Variants in PAN2 observed in about 807,000 individuals in gnomAD.
PAN2 encodes the protein PAN2-PAN3 deadenylation complex catalytic subunit PAN2.
A neutral mutation model predicts 133.3 loss-of-function variants in PAN2; 68 were observed. The ratio of observed to expected loss-of-function variants is 0.51; its 90% CI spans 0.42 to 0.62. The LOEUF is 0.62. Among genes scored for constraint, PAN2 ranks in the 20% least tolerant of loss-of-function variants. The pLI is 0.00. For missense variants in PAN2, 1,042 were observed against 1,500.5 expected (o/e 0.69, Z 5.05); for synonymous variants, 462 against 544.6 (o/e 0.85, Z 2.11).
chr12:56,318,133 C>T (rs1363027494), intron 25 of PAN2, 104 bp downstream of exon 25: 10 of 930,622 alleles, frequency 1.1e-5, no homozygotes, highest in Non-Finnish European at 1.7e-5. Flanking sequence ...GCTGTAATCA[C>T]GCTACTGCAC....
Position 56,322,107 on chromosome 12 carries a change from C to T in PAN2, c.2759G>A (p.Arg920Gln), listed in dbSNP as rs369878938. 1.2e-5 allele frequency: 20 copies of T among 1,606,432 alleles called. No homozygotes were observed. The highest frequency in any genetic ancestry group is 1.6e-4 in the Middle Eastern group (1 of 6,064). ...CAGGTTGTATCTGGAATTGAGATTC[C>T]GTTTGACATAATAAAGGATTGCAGG... ...KVPAILYYVK[R>Q]NLNSRYNLNI... is the part of the protein sequence containing the mutation. Residue 920 changes from arginine to glutamine, a missense_variant, in exon 20 of 26, where the codon CGG (arginine) becomes CAG (glutamine). Physicochemically the swap from Arg to Gln is conservative, Grantham distance 43. This residue lies in a region of PAN2 where 908 missense variants were observed against 1,223.5 expected (regional missense o/e 0.74). Coordinates refer to ENST00000440411, the MANE Select transcript of PAN2 (RefSeq NM_014871.6).
chr12:56,317,338 A>C lies in PAN2; in HGVS notation c.*271T>G, dbSNP rs1282863848. The C allele has an allele frequency of 2.0e-6, 1 of 492,730 alleles. No individual in the cohort carries two copies. The highest frequency in any genetic ancestry group is 3.6e-6 in the Non-Finnish European group (1 of 275,008). 30.5% of individuals were successfully genotyped at this position (492,730 alleles called of 1,614,324 possible). A position where few individuals can be genotyped will look rare whatever the true frequency, so the allele number is the denominator to read the frequency against. On this transcript the variant is annotated 3_prime_UTR_variant, in exon 26 of 26. Transcript: ENST00000440411. ...ATATTAGTCACCCAGGATATTAAGA[A>C]TACCAATTACTTTCCATCTGGGTCA...
chr12:56,319,181 C>T lies in PAN2; in HGVS notation c.3271G>A (p.Val1091Met). ...GTGTCAAGGACTTGGTCCTTGGGCA[C>T]CTGGCAAGGATAAAAGAGGGGGAGA... ...QKDFRVINLMVPKDQVLDTVY... is the reference protein window; with the variant it reads ...QKDFRVINLMMPKDQVLDTVY... Residue 1091 changes from valine to methionine, a missense_variant and splice_region_variant, in exon 24 of 26, where the codon GTG (valine) becomes ATG (methionine). Coordinates refer to ENST00000440411, the MANE Select transcript of PAN2 (RefSeq NM_014871.6). This position sits in a 1 kb window ranked among gnomAD's most constrained non-coding sequence, Gnocchi z 5.4. 2 of 1,613,966 alleles carry T rather than the reference C, an allele frequency of 1.2e-6. No homozygotes were observed. The highest frequency in any genetic ancestry group is 1.1e-5 in the South Asian group (1 of 91,078).
chr12:56,327,611 A>T lies in PAN2; in HGVS notation c.672T>A (p.Arg224=). 1 of 1,613,586 alleles carries T rather than the reference A, an allele frequency of 6.2e-7. No homozygotes were observed. The highest frequency in any genetic ancestry group is 8.5e-7 in the Non-Finnish European group (1 of 1,179,610). Residue 224 remains arginine (R), a synonymous_variant, in exon 6 of 26, where the codon CGT becomes CGA. Coordinates refer to ENST00000440411, the MANE Select transcript of PAN2 (RefSeq NM_014871.6). The part of the protein sequence containing the change: ...TSGKVSLRDL[R]TFKVEHEFDA... Reference sequence around the variant, plus strand: ...CAAACTCATGTTCCACCTTAAAAGTACGGAGGTCTCTCAGGGAAACCTAGA... The same window carrying T: ...CAAACTCATGTTCCACCTTAAAAGTTCGGAGGTCTCTCAGGGAAACCTAGA...
intron 2 of PAN2, among the ~76,000 whole-genome samples, chr12:56,330,213 CTATT>C (rs1875616562): frequency 6.6e-6 from 1 of 152,044 alleles, no homozygotes; most frequent in Non-Finnish European, 1.5e-5. Context: ...TCCTGACCAA[CTATT>C]TAAAGTAGCA....
In PAN2 at chr12:56,332,641, T is replaced by C. The variant is rs1876040594; in HGVS notation, c.282+172A>G. On this transcript the variant is annotated intron_variant, in intron 2 of 25. Transcript: ENST00000440411. ...AAAAGGGATGCCTCCTGAGAAAGAA[T>C]ATGTCATTTACTCCTAGATCCTAGA... The C allele has an allele frequency of 1.1e-5, 6 of 531,686 alleles. No homozygotes were observed. The South Asian group carries it at 1.5e-4, about 13-fold the overall frequency. 32.9% of individuals were successfully genotyped at this position (531,686 alleles called of 1,614,324 possible).
intron 25 of PAN2, 73 bp from the exon 26 acceptor site, chr12:56,317,716 G>C: frequency 7.5e-7 from 1 of 1,325,262 alleles, no homozygotes; most frequent in Non-Finnish European, 1.1e-6. Flanking sequence ...TTCCTATGAA[G>C]GAAAAATGCA....
At position 56,323,354 on chromosome 12, in the gene PAN2, C is replaced by T. The variant is rs373635242; in HGVS notation, c.2302G>A (p.Gly768Ser). Reference sequence around the variant, plus strand: ...TCCTTGTTCTTGGAGATTTCCCCACCGTGTTTCTTTACTGCCATCTTGAAG... The same window carrying T: ...TCCTTGTTCTTGGAGATTTCCCCACTGTGTTTCTTTACTGCCATCTTGAAG... ...VAFKMAVKKH[G>S]GEISKNKEFA... is the part of the protein sequence containing the mutation. Residue 768 changes from glycine (G) to serine (S), a missense_variant, in exon 16 of 26, where the codon GGT (glycine) becomes AGT (serine). Physicochemically the swap from Gly to Ser is moderately conservative, Grantham distance 56. Transcript: ENST00000440411. 5.6e-6 allele frequency: 9 copies of T among 1,613,750 alleles called. No homozygotes were observed. The Admixed American group carries it at 8.4e-5, about 15-fold the overall frequency.
At chr12:56,327,715 C>T (rs1174409599) in intron 5 of PAN2, 84 bp from the exon 6 acceptor site, 13 of 1,472,446 alleles carry the variant, frequency 8.8e-6, no homozygotes, top group Non-Finnish European at 1.1e-5. Context: ...GGGTCCCTAC[C>T]AAAGGAACTA....
At position 56,323,053 on chromosome 12, in the gene PAN2, T is replaced by C; in HGVS notation, c.2493+9A>G. The stretch of plus-strand genomic sequence containing the variant: ...TTATTCCCTTTCCTCTTCCCGGTTT[T>C]TCAACAACCTGCATCTCATCCCCAT... On this transcript the variant is annotated intron_variant, in intron 17 of 25. Coordinates refer to ENST00000440411, the MANE Select transcript of PAN2 (RefSeq NM_014871.6). The C allele has an allele frequency of 6.2e-7, 1 of 1,613,920 alleles. No homozygotes were observed. The highest frequency in any genetic ancestry group is 8.5e-7 in the Non-Finnish European group (1 of 1,180,036).
intron 20 of PAN2, 77 bp from the exon 21 acceptor site, chr12:56,320,098 A>G: frequency 1.4e-6 from 2 of 1,390,668 alleles, no homozygotes; most frequent in Non-Finnish European, 1.0e-6. Context: ...GTGGCTGATC[A>G]TCGACTCTGG....
In PAN2 at chr12:56,326,910, G is replaced by A; in HGVS notation, c.969C>T (p.Ile323=). 6.2e-7 allele frequency: 1 copy of A among 1,614,190 alleles called. No homozygotes were observed. Among genetic ancestry groups the A allele is most frequent in the Middle Eastern group, 1.7e-4 (1 of 6,060 alleles). ...EPTGLANPAD[I]FHVNPVGPLL... is the part of the protein sequence containing the mutation. ...GAGGCCCCACAGGATTCACATGAAA[G>A]ATATCGGCTGGGTTGGCCAGGCCTG... Residue 323 remains isoleucine (I), a synonymous_variant, in exon 7 of 26, where the codon ATC becomes ATT. Coordinates refer to ENST00000440411, the MANE Select transcript of PAN2 (RefSeq NM_014871.6).
chr12:56,318,496 C>G, intron 24 of PAN2, 62 bp from the exon 25 acceptor site: 1 of 1,289,338 alleles, frequency 7.8e-7, no homozygotes, highest in Non-Finnish European at 1.1e-6. Context: ...ACATGTCTCC[C>G]CACTCCTACC....
chr12:56,324,593 A>G lies in PAN2; in HGVS notation c.1716T>C (p.Gly572=). 6.2e-7 allele frequency: 1 copy of G among 1,613,924 alleles called. No individual in the cohort carries two copies. The highest frequency in any genetic ancestry group is 8.5e-7 in the Non-Finnish European group (1 of 1,179,904). Residue 572 remains glycine (G), a synonymous_variant, in exon 11 of 26, where the codon GGT becomes GGC. Coordinates refer to ENST00000440411, the MANE Select transcript of PAN2 (RefSeq NM_014871.6). ...FLFHMLDLSR[G]DPCQGNNFLR... ...TCCAAGTACTGACCTGGCAAGGGTC[A>G]CCACGAGAGAGGTCCAACATGTGAA...
Position 56,319,165 on chromosome 12 carries a change from A to T in PAN2, c.3287T>A (p.Val1096Asp). The change falls in exon 24 of 26, where the codon GTC (valine) becomes GAC (aspartate). Residue 1096 changes from valine to aspartate, a missense_variant. By Grantham distance (152) the Val-to-Asp change is radical. This residue lies in a region of PAN2 where 49 missense variants were observed against 160.5 expected (regional missense o/e 0.31). Transcript: ENST00000440411. This position sits in a 1 kb window ranked among gnomAD's most constrained non-coding sequence, Gnocchi z 5.4. ...VINLMVPKDQVLDTVYLFHMP... is the reference protein window; with the variant it reads ...VINLMVPKDQDLDTVYLFHMP... The stretch of plus-strand genomic sequence containing the variant: ...ATGGAACAGGTAGACAGTGTCAAGG[A>T]CTTGGTCCTTGGGCACCTGGCAAGG... 6.2e-7 allele frequency: 1 copy of T among 1,614,036 alleles called. No homozygotes were observed. The highest frequency in any genetic ancestry group is 8.5e-7 in the Non-Finnish European group (1 of 1,179,930).
At chr12:56,324,834 C>A in intron 10 of PAN2, 125 bp from the exon 11 acceptor site, 1 of 1,393,394 alleles carries the variant, frequency 7.2e-7, no homozygotes, top group Non-Finnish European at 9.8e-7. Context: ...AGTGAGTCCA[C>A]CAAACCGGTG....
rs780940788 is a variant in PAN2, at chr12:56,328,566, G to A, written c.358C>T (p.Arg120Trp). Residue 120 changes from arginine to tryptophan, a missense_variant, in exon 3 of 26, where the codon CGG becomes TGG. By Grantham distance (101) the Arg-to-Trp change is moderately radical (BLOSUM62 -3). Around this residue, in one of 3 missense-constraint regions of PAN2, gnomAD observed 908 missense variants for 1,223.5 expected, o/e 0.74. Coordinates refer to ENST00000440411, the MANE Select transcript of PAN2 (RefSeq NM_014871.6). ...CCATTCTCCAGGCTCTGGATCTGCC[G>A]AATATCATCACTGCCATTGACTTGA... ...SFQVNGSDDI[R>W]QIQSLENGIL... The A allele has an allele frequency of 6.2e-6, 10 of 1,614,022 alleles. No individual in the cohort carries two copies. In the African/African-American group the frequency reaches 6.7e-5, roughly 11 times the overall value.
At chr12:56,322,932 T>G in intron 17 of PAN2, 130 bp downstream of exon 17, 1 of 1,328,844 alleles carries the variant, frequency 7.5e-7, no homozygotes, top group Non-Finnish European at 1.1e-6. Context: ...GAAAATCCCC[T>G]AACAGGTAAA....
Position 56,319,222 on chromosome 12 carries a change from C to A in PAN2, c.3271-41G>T. The A allele has an allele frequency of 1.9e-6, 3 of 1,613,906 alleles. No individual in the cohort carries two copies. Among genetic ancestry groups the A allele is most frequent in the Non-Finnish European group, 2.5e-6 (3 of 1,179,916 alleles). On this transcript the variant is annotated intron_variant, in intron 23 of 25. Transcript: ENST00000440411. The surrounding 1 kb of genome is among the most constrained non-coding windows in gnomAD (Gnocchi z 5.4). ...GAGGGGGAGACTTAAGGTAGGGGAC[C>A]TATAATTCCCCATTCTCTAAAGGCA...
Sources: gnomAD v4.1 joint callset for allele counts (sites outside exome capture counted in the v4.1 genomes callset) on GRCh38, gnomAD v4.1.1 for gene constraint, gnomAD v4.1.1 regional missense constraint, Gnocchi (gnomAD v3.1) non-coding constraint, MANE v1.5 for transcripts, NCBI Gene and HGNC (gene_info 2026-07-23, HGNC 2026-07-21) for gene names.